Variants in HS3ST2 observed in about 807,000 individuals in gnomAD.
HS3ST2 encodes heparan sulfate glucosamine 3-O-sulfotransferase 2.
HS3ST2 carries 17 observed loss-of-function variants against 26.3 expected under a neutral mutation model. The ratio of observed to expected loss-of-function variants is 0.65; its 90% CI spans 0.44 to 0.97. The LOEUF (loss-of-function observed/expected upper bound fraction) is 0.97. Ranked by LOEUF, HS3ST2 falls within the 50% of genes least tolerant of loss-of-function variation. HS3ST2 has a pLI of 0.00. For missense variants in HS3ST2, 402 were observed against 501.2 expected (o/e 0.80, Z 1.89); for synonymous variants, 237 against 219.2 (o/e 1.08, Z -0.72).
intron 1 of HS3ST2, among the ~76,000 whole-genome samples, chr16:22,850,009 G>T (rs540014743): frequency 1.3e-5 from 2 of 152,280 alleles, no homozygotes; most frequent in African/African-American, 2.4e-5. Flanking sequence ...TGGGAGTAGG[G>T]TTGCTCCCAT....
chr16:22,871,058 T>C lies in HS3ST2; in HGVS notation c.486-43886T>C, dbSNP rs183027468. ...CACATGAGCTATTCAACACTTTTCT[T>C]ATAAAATAGGCTTTGTGGGCCGGGC... On this transcript the variant is annotated intron_variant, in intron 1 of 1. Transcript: ENST00000261374. 2.7e-3 allele frequency among the ~76,000 whole-genome samples: 414 copies of C among 152,256 alleles called. 2 individuals are homozygous for C. Among genetic ancestry groups the C allele is most frequent in the African/African-American group, 8.8e-3 (367 of 41,542 alleles).
At chr16:22,894,172 A>G (rs1902173759) in intron 1 of HS3ST2, among the ~76,000 whole-genome samples, 1 of 152,118 alleles carries the variant, frequency 6.6e-6, no homozygotes, top group South Asian at 2.1e-4. Context: ...CGACACTTTG[A>G]CTGGTCAGTT....
chr16:22,891,854 G>T (rs952883111), intron 1 of HS3ST2, among the ~76,000 whole-genome samples: 12 of 152,134 alleles, frequency 7.9e-5, no homozygotes, highest in African/African-American at 2.7e-4. Context: ...GGCTGAAATG[G>T]ACTCTACCTC....
chr16:22,819,144 C>A, intron 1 of HS3ST2, among the ~76,000 whole-genome samples: 1 of 106,576 alleles, frequency 9.4e-6, no homozygotes, highest in African/African-American at 3.8e-5. Flanking sequence ...TCCTTCCTTC[C>A]TTCCTTCCTT....
chr16:22,906,574 C>A (rs968064651), intron 1 of HS3ST2, among the ~76,000 whole-genome samples: 41 of 152,170 alleles, frequency 2.7e-4, no homozygotes, highest in African/African-American at 9.9e-4. Context: ...GTACAGGTGG[C>A]AAAACAGAAA....
chr16:22,904,186 C>T, intron 1 of HS3ST2, among the ~76,000 whole-genome samples: 1 of 152,154 alleles, frequency 6.6e-6, no homozygotes, highest in East Asian at 1.9e-4. Flanking sequence ...GGTTTAGGTG[C>T]AGCCCTCACA....
chr16:22,906,671 G>A (rs369080154), intron 1 of HS3ST2, among the ~76,000 whole-genome samples: 5 of 152,310 alleles, frequency 3.3e-5, no homozygotes, highest in South Asian at 2.1e-4. Flanking sequence ...CCCCTCAGTC[G>A]TGAGCCAGAG....
intron 1 of HS3ST2, among the ~76,000 whole-genome samples, chr16:22,820,840 G>C (rs4783491): frequency 6.6e-6 from 1 of 152,134 alleles, no homozygotes; most frequent in Non-Finnish European, 1.5e-5. Context: ...GGATGTTAAC[G>C]TGTGAAAATA....
chr16:22,869,844 G>T (rs976964347), intron 1 of HS3ST2, among the ~76,000 whole-genome samples: 1 of 152,130 alleles, frequency 6.6e-6, no homozygotes, highest in East Asian at 1.9e-4. Flanking sequence ...GATCAGGGAA[G>T]CAAAAGGAGC....
chr16:22,914,900 C>T, intron 1 of HS3ST2, 44 bp from the exon 2 acceptor site: 1 of 1,560,824 alleles, frequency 6.4e-7, no homozygotes, highest in Non-Finnish European at 8.6e-7. Context: ...GAGGCCTGGC[C>T]CCAGGGAAAC....
At chr16:22,816,476 G>A (rs1042952937) in intron 1 of HS3ST2, among the ~76,000 whole-genome samples, 2 of 152,260 alleles carry the variant, frequency 1.3e-5, no homozygotes, top group African/African-American at 4.8e-5. Flanking sequence ...AATGGTTGTA[G>A]TTGTGGGGAC....
intron 1 of HS3ST2, among the ~76,000 whole-genome samples, chr16:22,817,001 C>A (rs545228445): frequency 6.6e-6 from 1 of 152,316 alleles, no homozygotes; most frequent in Non-Finnish European, 1.5e-5. Flanking sequence ...GGCTTCCATC[C>A]TGGAGCCCAT....
At chr16:22,873,919 G>A (rs1458136914) in intron 1 of HS3ST2, among the ~76,000 whole-genome samples, 1 of 152,180 alleles carries the variant, frequency 6.6e-6, no homozygotes, top group African/African-American at 2.4e-5. Context: ...ATCTCTGAGT[G>A]ATCTCCCATT....
chr16:22,817,688 G>A (rs1352485852), intron 1 of HS3ST2, among the ~76,000 whole-genome samples: 1 of 152,160 alleles, frequency 6.6e-6, no homozygotes, highest in Admixed American at 6.5e-5. Context: ...TAAAGCCAGG[G>A]TCCACTGGGC....
chr16:22,884,396 C>T (rs1046679674), intron 1 of HS3ST2, among the ~76,000 whole-genome samples: 1 of 152,134 alleles, frequency 6.6e-6, no homozygotes, highest in Non-Finnish European at 1.5e-5. Flanking sequence ...AAATTGAGCT[C>T]CTGCCGAGGT....
intron 1 of HS3ST2, among the ~76,000 whole-genome samples, chr16:22,906,234 G>A (rs993161273): frequency 1.3e-5 from 2 of 152,074 alleles, no homozygotes; most frequent in Admixed American, 6.5e-5. Context: ...AGCTGGGCAT[G>A]GTGATGCACA....
chr16:22,884,511 G>A (rs1902033400), intron 1 of HS3ST2, among the ~76,000 whole-genome samples: 1 of 151,974 alleles, frequency 6.6e-6, no homozygotes, highest in African/African-American at 2.4e-5. Context: ...CATAATAGAA[G>A]GAGCTTCACA....
chr16:22,906,810 G>T (rs1902361978), intron 1 of HS3ST2, among the ~76,000 whole-genome samples: 2 of 152,256 alleles, frequency 1.3e-5, no homozygotes, highest in South Asian at 4.1e-4. Context: ...AGGACTCAAG[G>T]GCCGCTTCTC....
chr16:22,883,274 C>T (rs180768035), intron 1 of HS3ST2, among the ~76,000 whole-genome samples: 1 of 152,214 alleles, frequency 6.6e-6, no homozygotes, highest in Non-Finnish European at 1.5e-5. Flanking sequence ...TTGTCCATAA[C>T]ATCAGCCCTG....
Sources: gnomAD v4.1 joint callset for allele counts (sites outside exome capture counted in the v4.1 genomes callset) on GRCh38, gnomAD v4.1.1 for gene constraint, MANE v1.5 for transcripts, NCBI Gene and HGNC (gene_info 2026-07-23, HGNC 2026-07-21) for gene names.